RAB27B: variants seen among roughly 807,000 people sequenced by gnomAD.
RAB27B encodes RAB27B, member RAS oncogene family.
In RAB27B, 15 loss-of-function variants were observed where a neutral mutation model predicts 24.6. The observed-to-expected ratio is 0.61, with a 90% CI of 0.41 to 0.94. The LOEUF is 0.94. Among genes scored for constraint, RAB27B ranks in the 40% least tolerant of loss-of-function variants. RAB27B has a pLI of 0.00. For missense variants in RAB27B, 261 were observed against 266.8 expected (o/e 0.98, Z 0.15); for synonymous variants, 105 against 92.5 (o/e 1.14, Z -0.78).
At chr18:54,833,476 C>G (rs960037004) in intron 1 of RAB27B, among the ~76,000 whole-genome samples, 1 of 152,158 alleles carries the variant, frequency 6.6e-6, no homozygotes, top group Non-Finnish European at 1.5e-5. Context: ...ATCCGCCTGC[C>G]TTGGCCTCCC....
At chr18:54,816,692 G>T (rs1394269285) in intron 2 of RAB27B, among the ~76,000 whole-genome samples, 1 of 152,160 alleles carries the variant, frequency 6.6e-6, no homozygotes, top group Non-Finnish European at 1.5e-5. Context: ...ATCATTAAGT[G>T]GAAGTTTGGG....
chr18:54,805,549 A>C (rs1003569356), intron 2 of RAB27B, among the ~76,000 whole-genome samples: 1 of 152,232 alleles, frequency 6.6e-6, no homozygotes, highest in African/African-American at 2.4e-5. Flanking sequence ...TAGAGAATTC[A>C]TGAGCAACTT....
intron 2 of RAB27B, among the ~76,000 whole-genome samples, chr18:54,796,292 C>T (rs1369488124): frequency 1.3e-5 from 2 of 152,208 alleles, no homozygotes; most frequent in Admixed American, 6.5e-5. Flanking sequence ...TTCCAGTGTG[C>T]TCTTCCATCT....
chr18:54,835,652 G>A lies in RAB27B; in HGVS notation c.-20+6952G>A, dbSNP rs141924825. 1.7e-3 allele frequency among the ~76,000 whole-genome samples: 266 copies of A among 152,018 alleles called. 6 individuals are homozygous for A. Among genetic ancestry groups the A allele is most frequent in the African/African-American group, 6.0e-3 (248 of 41,334 alleles). ...TAATAAAACAGACTTAAATAAATAG[G>A]CCATCATGTTTGAAAAGTCTATTCT... is the stretch of plus-strand genomic sequence containing the variant. On this transcript the variant is annotated intron_variant, in intron 1 of 5. Transcript: ENST00000262094.
At chr18:54,748,327 T>C (rs964463831) in intron 2 of RAB27B, among the ~76,000 whole-genome samples, 2 of 152,158 alleles carry the variant, frequency 1.3e-5, no homozygotes, top group African/African-American at 4.8e-5. Context: ...ATATAGATTC[T>C]CCCAGAACCT....
chr18:54,821,999 C>T lies in RAB27B; in HGVS notation c.-19-55568C>T, dbSNP rs566365304. On this transcript the variant is annotated intron_variant, in intron 2 of 4. Transcript: ENST00000586570. The stretch of plus-strand genomic sequence containing the variant: ...AACTCCTGACCTCAGGTGATCCACC[C>T]GCCTAGACCTCCCAAAGTGCTGGGA... Among the ~76,000 whole-genome samples, 187 of 152,258 alleles carry T rather than the reference C, an allele frequency of 1.2e-3. 1 individual carries two copies. Among genetic ancestry groups the T allele is most frequent in the Admixed American group, 2.0e-3 (30 of 15,296 alleles).
chr18:54,856,649 A>G (rs1911796469), intron 1 of RAB27B, among the ~76,000 whole-genome samples: 1 of 152,228 alleles, frequency 6.6e-6, no homozygotes, highest in Non-Finnish European at 1.5e-5. Context: ...GGGAATGTCA[A>G]CTGGGCCTGT....
At chr18:54,816,457 T>C (rs1257538885) in intron 2 of RAB27B, among the ~76,000 whole-genome samples, 2 of 152,262 alleles carry the variant, frequency 1.3e-5, no homozygotes, top group East Asian at 3.8e-4. Context: ...GGGATTGACA[T>C]ATTTGGAGCT....
chr18:54,796,850 C>T (rs966790919), intron 2 of RAB27B, among the ~76,000 whole-genome samples: 2 of 152,130 alleles, frequency 1.3e-5, no homozygotes, highest in Non-Finnish European at 2.9e-5. Flanking sequence ...CCTTCTCTAC[C>T]CAGCACTTCC....
chr18:54,770,758 C>T (rs1048353958), intron 2 of RAB27B, among the ~76,000 whole-genome samples: 3 of 151,882 alleles, frequency 2.0e-5, no homozygotes, highest in Admixed American at 1.3e-4. Flanking sequence ...TGCTATACCA[C>T]GTTGTTTAAT....
chr18:54,809,639 T>G lies in RAB27B; in HGVS notation c.-19-67928T>G, dbSNP rs12457761. On this transcript the variant is annotated intron_variant, in intron 2 of 4. Coordinates refer to the RAB27B transcript ENST00000586570. Reference sequence around the variant, plus strand: ...AGCTAATGCATAAGTCAAAACCAAGTGTTTGGAGGCAAACCTGTTAGGAAA... The same window carrying G: ...AGCTAATGCATAAGTCAAAACCAAGGGTTTGGAGGCAAACCTGTTAGGAAA... Among the ~76,000 whole-genome samples the G allele has an allele frequency of 5.9e-5, 9 of 152,248 alleles. No homozygotes were observed. The East Asian group carries it at 1.7e-3, about 29-fold the overall frequency.
At chr18:54,817,330 C>A (rs1250308483) in intron 2 of RAB27B, among the ~76,000 whole-genome samples, 2 of 151,990 alleles carry the variant, frequency 1.3e-5, no homozygotes, top group African/African-American at 4.8e-5. Flanking sequence ...GGAGTAAAAC[C>A]CAAGGCTTTA....
In RAB27B at chr18:54,844,620, T is replaced by C. The variant is rs145687218; in HGVS notation, c.-20+15920T>C. Among the ~76,000 whole-genome samples, 47 of 152,160 alleles carry C rather than the reference T, an allele frequency of 3.1e-4. No homozygotes were observed. The East Asian group carries it at 8.7e-3, about 28-fold the overall frequency. ...TGGGGTTTCACCATGTTGGCCAGAC[T>C]GGTCTCAAACTCCTGACCTCAAATG... On this transcript the variant is annotated intron_variant, in intron 1 of 5. Transcript: ENST00000262094.
chr18:54,875,786 C>T (rs1912671653), intron 1 of RAB27B, among the ~76,000 whole-genome samples: 2 of 152,056 alleles, frequency 1.3e-5, no homozygotes, highest in Admixed American at 1.3e-4. Context: ...ATGAGTACCT[C>T]ATTCTATTCT....
intron 2 of RAB27B, among the ~76,000 whole-genome samples, chr18:54,752,567 C>T (rs1017011125): frequency 6.6e-6 from 1 of 152,172 alleles, no homozygotes; most frequent in Non-Finnish European, 1.5e-5. Flanking sequence ...AGGAGTGAAA[C>T]AGCAGAGTCC....
intron 2 of RAB27B, among the ~76,000 whole-genome samples, chr18:54,719,986 G>A (rs374323584): frequency 1.3e-4 from 20 of 152,092 alleles, no homozygotes; most frequent in Non-Finnish European, 1.2e-4. Context: ...GATGATAGGG[G>A]AAAAAGTCCC....
chr18:54,885,348 A>G lies in RAB27B; in HGVS notation c.343+912A>G, dbSNP rs558652272. ...GCTCAGAGTCCTTCTGTAACTTTCC[A>G]TCTTACCCGGAATAAAATCCAGAGT... On this transcript the variant is annotated intron_variant, in intron 4 of 5. Transcript: ENST00000262094. Among the ~76,000 whole-genome samples the G allele has an allele frequency of 1.5e-4, 23 of 152,136 alleles. No individual in the cohort carries two copies. In the South Asian group the frequency reaches 4.6e-3, roughly 30 times the overall value.
intron 1 of RAB27B, among the ~76,000 whole-genome samples, chr18:54,829,898 G>A (rs1008467832): frequency 2.6e-5 from 4 of 152,180 alleles, no homozygotes; most frequent in African/African-American, 9.7e-5. Flanking sequence ...AAGGCAAGAG[G>A]TGATTCCTAC....
chr18:54,760,537 CA>C (rs1908153237), intron 2 of RAB27B, among the ~76,000 whole-genome samples: 1 of 152,046 alleles, frequency 6.6e-6, no homozygotes, highest in Non-Finnish European at 1.5e-5. Flanking sequence ...CCTTAGGGGT[CA>C]AGGATGGAAG....
Sources: allele counts gnomAD v4.1 joint callset (sites outside exome capture counted in the v4.1 genomes callset), GRCh38; gene constraint gnomAD v4.1.1; transcripts MANE v1.5; gene names NCBI Gene and HGNC (gene_info 2026-07-23, HGNC 2026-07-21).